CCDC63: variants seen among roughly 807,000 people sequenced by gnomAD.
CCDC63 encodes the protein coiled-coil domain-containing protein 63.
In CCDC63, 54 loss-of-function variants were observed where a neutral mutation model predicts 63.6. The observed-to-expected ratio is 0.85, with a 90% CI of 0.68 to 1.07. The LOEUF is 1.07. Ranked by LOEUF, CCDC63 falls within the 50% of genes least tolerant of loss-of-function variation. CCDC63 has a pLI of 0.00. For synonymous variants in CCDC63, 253 were observed against 266.1 expected, an observed-to-expected ratio of 0.95 and a Z score of 0.48; for missense variants, 637 against 689.6, an observed-to-expected ratio of 0.92 and a Z score of 0.86.
Position 110,907,310 on chromosome 12 carries a change from A to G in CCDC63, c.1547-21A>G, listed in dbSNP as rs775336919. On this transcript the variant is annotated intron_variant, in intron 11 of 11. Coordinates refer to ENST00000308208, the MANE Select transcript of CCDC63 (RefSeq NM_152591.3). This position sits in a 1 kb window ranked among gnomAD's most constrained non-coding sequence, Gnocchi z 4.4. ...TGGGGTTGATTTCCCAGCACCTCAC[A>G]CAAATCTGATCTTGGTGCAGTGGAA... is the stretch of plus-strand genomic sequence containing the variant. 1.2e-6 allele frequency: 2 copies of G among 1,609,986 alleles called. No individual in the cohort carries two copies. The highest frequency in any genetic ancestry group is 1.7e-6 in the Non-Finnish European group (2 of 1,178,142).
intron 3 of CCDC63, among the ~76,000 whole-genome samples, chr12:110,854,201 G>A (rs1335975863): frequency 6.6e-6 from 1 of 150,474 alleles, no homozygotes; most frequent in Non-Finnish European, 1.5e-5. Context: ...TATGAGAACT[G>A]CAAGATAGAA....
chr12:110,866,859 C>G (rs1417427891), intron 4 of CCDC63, among the ~76,000 whole-genome samples: 2 of 148,910 alleles, frequency 1.3e-5, no homozygotes, highest in Non-Finnish European at 3.0e-5. Context: ...GGGTGGTGGC[C>G]GGGCAGAGGG....
chr12:110,867,008 A>AGTAGGGGCGGCCGGGCAGAGGCACC (rs2070962826), intron 4 of CCDC63, among the ~76,000 whole-genome samples: 1 of 85,006 alleles, frequency 1.2e-5, no homozygotes, highest in African/African-American at 4.5e-5. Context: ...TGACCCCCCC[A>AGTAGGGGCGGCCGGGCAGAGGCACC]CCTCCCTCCC....
chr12:110,894,582 A>T (rs1275906219), intron 9 of CCDC63, among the ~76,000 whole-genome samples: 1 of 152,084 alleles, frequency 6.6e-6, no homozygotes, highest in Non-Finnish European at 1.5e-5. Flanking sequence ...CTGCCCATTG[A>T]GGTGCTCAGA....
chr12:110,902,890 T>G (rs2071507944), intron 10 of CCDC63, among the ~76,000 whole-genome samples: 1 of 149,932 alleles, frequency 6.7e-6, no homozygotes, highest in Non-Finnish European at 1.5e-5. Flanking sequence ...GCTAATTTTT[T>G]TTTTTTTTTT....
intron 4 of CCDC63, among the ~76,000 whole-genome samples, chr12:110,867,900 T>C (rs1015720959): frequency 5.6e-3 from 603 of 107,012 alleles, no homozygotes; most frequent in Middle Eastern, 0.013. Flanking sequence ...CCAGATGGGG[T>C]GGCTGCCAGG....
intron 4 of CCDC63, among the ~76,000 whole-genome samples, chr12:110,867,331 G>T (rs2070975451): frequency 8.9e-6 from 1 of 112,794 alleles, no homozygotes; most frequent in East Asian, 2.8e-4. Flanking sequence ...CCCAGACGGG[G>T]CGGCTGGCCG....
chr12:110,880,674 TGGTG>T, intron 6 of CCDC63, among the ~76,000 whole-genome samples: 1 of 2,030 alleles, frequency 4.9e-4, no homozygotes, highest in South Asian at 0.014. Flanking sequence ...GTGATGATGG[TGGTG>T]ACGATAATGA....
chr12:110,853,374 A>G, intron 2 of CCDC63, 31 bp from the exon 3 acceptor site: 1 of 1,592,526 alleles, frequency 6.3e-7, no homozygotes, highest in Non-Finnish European at 8.5e-7. Context: ...CTGGCCCACT[A>G]CGGCCTCCCA....
rs1214459950 is a variant in CCDC63 at position 110,884,061 on chromosome 12, C to G, written c.885C>G (p.Asn295Lys). The change falls in exon 8 of 12, where the codon AAC becomes AAG. Residue 295 changes from asparagine to lysine, a missense_variant. Physicochemically the swap from Asn to Lys is moderately conservative, Grantham distance 94. Transcript: ENST00000308208. ...ALKAKKHVKK[N>K]RGESFESYEV... ...AGGCAAAGAAGCATGTCAAGAAGAA[C>G]AGGGGAGAGAGTTTTGAGAGCTATG... 3.7e-6 allele frequency: 6 copies of G among 1,613,998 alleles called. No homozygotes were observed. The highest frequency in any genetic ancestry group is 5.1e-6 in the Non-Finnish European group (6 of 1,179,962).
intron 4 of CCDC63, among the ~76,000 whole-genome samples, chr12:110,873,005 G>A (rs1480967840): frequency 6.6e-6 from 1 of 152,150 alleles, no homozygotes; most frequent in African/African-American, 2.4e-5. Flanking sequence ...ATGCTGAGGC[G>A]GGTGGATCAC....
chr12:110,906,021 ATTATATATT>A (rs1236559368), intron 11 of CCDC63, among the ~76,000 whole-genome samples: 1 of 52,902 alleles, frequency 1.9e-5, no homozygotes, highest in African/African-American at 6.9e-5. Flanking sequence ...TATAATATAT[ATTATATATT>A]ATAATAATAT....
At position 110,889,947 on chromosome 12, in the gene CCDC63, A is replaced by G. The variant is rs2071334974; in HGVS notation, c.1075-3129A>G. 6.6e-6 allele frequency among the ~76,000 whole-genome samples: 1 copy of G among 152,076 alleles called. No individual in the cohort carries two copies. The highest frequency in any genetic ancestry group is 1.5e-5 in the Non-Finnish European group (1 of 68,028). ...GGAAAATACTAAAAAGTATAAATACAACCTCCAAATCAGGAATAATTCCAT... is the reference window on the plus strand; with the variant it reads ...GGAAAATACTAAAAAGTATAAATACGACCTCCAAATCAGGAATAATTCCAT... On this transcript the variant is annotated intron_variant, in intron 8 of 11. Transcript: ENST00000308208. This position sits in a 1 kb window ranked among gnomAD's most constrained non-coding sequence, Gnocchi z 4.1.
At chr12:110,895,088 T>C (rs1392400961) in intron 9 of CCDC63, among the ~76,000 whole-genome samples, 1 of 150,820 alleles carries the variant, frequency 6.6e-6, no homozygotes, top group African/African-American at 2.4e-5. Context: ...TAACTTTAAT[T>C]TTTAATTTAT....
At chr12:110,882,092 G>A in intron 7 of CCDC63, among the ~76,000 whole-genome samples, 1 of 152,176 alleles carries the variant, frequency 6.6e-6, no homozygotes, top group Non-Finnish European at 1.5e-5. Context: ...AAGGCACCAA[G>A]CAAGATCAGC....
chr12:110,867,194 CCCGGACGGGGCGG>C, intron 4 of CCDC63, among the ~76,000 whole-genome samples: 1 of 140,380 alleles, frequency 7.1e-6, no homozygotes, highest in African/African-American at 2.7e-5. Flanking sequence ...CCACCTCCCT[CCCGGACGGGGCGG>C]CTGGCCGGGC....
intron 4 of CCDC63, among the ~76,000 whole-genome samples, chr12:110,870,150 T>TCGGC (rs2071045366): frequency 6.6e-6 from 1 of 151,962 alleles, no homozygotes; most frequent in Non-Finnish European, 1.5e-5. Context: ...TGGCATGATC[T>TCGGC]CGGCTCACTG....
At chr12:110,901,926 G>A (rs1376445855) in intron 10 of CCDC63, among the ~76,000 whole-genome samples, 1 of 151,994 alleles carries the variant, frequency 6.6e-6, no homozygotes, top group East Asian at 1.9e-4. Context: ...TGCCTCCTGG[G>A]TTCAAGTTAT....
At position 110,852,940 on chromosome 12, in the gene CCDC63, T is replaced by C; in HGVS notation, c.-15T>C. On this transcript the variant is annotated 5_prime_UTR_variant, in exon 2 of 12. Transcript: ENST00000308208. ...GTACAGTGTCTGAGTGGAGGCAAAG[T>C]GCGGTTCCTTCAAGATGTCTGTGGT... The C allele has an allele frequency of 6.2e-7, 1 of 1,614,082 alleles. No individual in the cohort carries two copies.
Sources: allele counts gnomAD v4.1 joint callset (sites outside exome capture counted in the v4.1 genomes callset), GRCh38; gene constraint gnomAD v4.1.1; non-coding constraint Gnocchi (gnomAD v3.1); transcripts MANE v1.5; gene names NCBI Gene and HGNC (gene_info 2026-07-23, HGNC 2026-07-21).